OSBPL10: variants seen among roughly 807,000 people sequenced by gnomAD.
OSBPL10 encodes the protein oxysterol-binding protein-related protein 10.
In OSBPL10, 49 loss-of-function variants were observed where a neutral mutation model predicts 81.7. The observed-to-expected ratio is 0.60, with a 90% CI of 0.48 to 0.76. The LOEUF (loss-of-function observed/expected upper bound fraction) is 0.76, where lower values mean the gene tolerates loss of function less well. OSBPL10 is among the 30% of genes least tolerant of loss of function. OSBPL10 has a pLI of 0.00. For synonymous variants in OSBPL10, 419 were observed against 383.6 expected (o/e 1.09, Z -1.08); for missense variants, 923 against 987.8 (o/e 0.93, Z 0.88).
chr3:31,748,643 C>CA (rs5847713), intron 4 of OSBPL10, among the ~76,000 whole-genome samples: 44,408 of 127,598 alleles, frequency 0.35, 8,309 homozygotes, highest in African/African-American at 0.45. Flanking sequence ...CGCTCGCTTG[C>CA]AAAAAAAAAA....
At chr3:31,662,507 A>G in intron 11 of OSBPL10, 1 of 1,015,210 alleles carries the variant, frequency 9.9e-7, no homozygotes, top group Non-Finnish European at 1.2e-6. Flanking sequence ...CCCACAGGGG[A>G]ACACCCAACA....
intron 8 of OSBPL10, among the ~76,000 whole-genome samples, chr3:31,675,248 C>A (rs541944214): frequency 2.6e-5 from 4 of 152,358 alleles, no homozygotes. Context: ...ACACAACAGC[C>A]ACAAACTTGG....
At chr3:31,892,371 G>A (rs62243020) in intron 1 of OSBPL10, among the ~76,000 whole-genome samples, 14,874 of 152,220 alleles carry the variant, frequency 0.098, 806 homozygotes, top group South Asian at 0.14. Context: ...CAGCGGCAGG[G>A]ACAGAACCAG....
At chr3:31,841,870 T>C (rs544917044) in intron 3 of OSBPL10, among the ~76,000 whole-genome samples, 2 of 152,278 alleles carry the variant, frequency 1.3e-5, no homozygotes, top group East Asian at 3.9e-4. Flanking sequence ...ATTGTCTTTA[T>C]GAAACTAAGC....
At position 31,781,365 on chromosome 3, in the gene OSBPL10, G is replaced by C. The variant is rs191592415; in HGVS notation, c.730-33245C>G. On this transcript the variant is annotated intron_variant, in intron 4 of 11. Transcript: ENST00000396556. ...CCCACAGTCAACATTACACTAAAATGGGGGAAAGTTGAAAGCATTCCCCCT... is the reference window on the plus strand; with the variant it reads ...CCCACAGTCAACATTACACTAAAATCGGGGAAAGTTGAAAGCATTCCCCCT... 2.6e-5 allele frequency among the ~76,000 whole-genome samples: 4 copies of C among 152,214 alleles called. No individual in the cohort carries two copies. The East Asian group carries it at 7.7e-4, about 29-fold the overall frequency.
At chr3:31,904,632 A>C (rs1696350259) in intron 1 of OSBPL10, among the ~76,000 whole-genome samples, 1 of 152,098 alleles carries the variant, frequency 6.6e-6, no homozygotes, top group African/African-American at 2.4e-5. Flanking sequence ...ACCCAGGGTC[A>C]CTCAGATCCT....
chr3:31,975,384 G>A (rs2125497984), intron 1 of OSBPL10, among the ~76,000 whole-genome samples: 1 of 152,134 alleles, frequency 6.6e-6, no homozygotes, highest in Non-Finnish European at 1.5e-5. Context: ...AAATTATTGG[G>A]ATACTCAAAA....
At position 31,965,227 on chromosome 3, in the gene OSBPL10, G is replaced by A. The variant is rs550706769; in HGVS notation, c.281+15672C>T. Among the ~76,000 whole-genome samples the A allele has an allele frequency of 4.7e-3, 709 of 150,408 alleles. 6 individuals carry two copies. The highest frequency in any genetic ancestry group is 0.01 in the African/African-American group (419 of 40,930). Reference sequence around the variant, plus strand: ...TACTAAAAATACAAAAAAATTAGCCGGGCGTGGTGGTGGGCACCTGTAGTC... The same window carrying A: ...TACTAAAAATACAAAAAAATTAGCCAGGCGTGGTGGTGGGCACCTGTAGTC... On this transcript the variant is annotated intron_variant, in intron 1 of 11. Coordinates refer to ENST00000396556, the MANE Select transcript of OSBPL10 (RefSeq NM_017784.5).
intron 4 of OSBPL10, among the ~76,000 whole-genome samples, chr3:31,753,202 T>C (rs1697773273): frequency 6.6e-6 from 1 of 151,778 alleles, no homozygotes; most frequent in Non-Finnish European, 1.5e-5. Context: ...TTTTTTTTTT[T>C]TTAGACAGAG....
At chr3:31,716,787 T>C (rs1559430933) in intron 6 of OSBPL10, among the ~76,000 whole-genome samples, 1 of 152,236 alleles carries the variant, frequency 6.6e-6, no homozygotes, top group Admixed American at 6.5e-5. Context: ...TTTCATTTGA[T>C]GACCCCAAAA....
intron 3 of OSBPL10, among the ~76,000 whole-genome samples, chr3:31,853,876 C>A (rs1283634402): frequency 6.6e-6 from 1 of 152,148 alleles, no homozygotes; most frequent in African/African-American, 2.4e-5. Context: ...AAATGCAGCC[C>A]CTTATCAGAT....
intron 7 of OSBPL10, among the ~76,000 whole-genome samples, chr3:31,684,664 C>T (rs1307320348): frequency 6.6e-6 from 1 of 152,202 alleles, no homozygotes; most frequent in East Asian, 1.9e-4. Context: ...CAAGCCCCAC[C>T]ATGACTGAGG....
intron 1 of OSBPL10, among the ~76,000 whole-genome samples, chr3:31,916,917 G>A (rs1479766760): frequency 6.6e-6 from 1 of 152,164 alleles, no homozygotes; most frequent in Admixed American, 6.5e-5. Context: ...TTTATTGTAA[G>A]CCGGGACTCC....
At chr3:31,949,483 A>G (rs1029345313) in intron 1 of OSBPL10, among the ~76,000 whole-genome samples, 14 of 151,900 alleles carry the variant, frequency 9.2e-5, no homozygotes. Context: ...CCTGGCTAAC[A>G]CGGTGAAACT....
chr3:31,837,992 C>T (rs1428191648), intron 3 of OSBPL10, among the ~76,000 whole-genome samples: 1 of 151,990 alleles, frequency 6.6e-6, no homozygotes, highest in Non-Finnish European at 1.5e-5. Flanking sequence ...AAAATTCCGG[C>T]AGGATTTTTT....
Position 31,664,173 on chromosome 3 carries a change from T to C in OSBPL10, c.2156A>G (p.Glu719Gly), listed in dbSNP as rs1484474796. The change falls in exon 11 of 12, where the codon GAG becomes GGG. Residue 719 changes from glutamate to glycine, a missense_variant. By Grantham distance (98) the Glu-to-Gly change is moderately conservative (BLOSUM62 -2). Coordinates refer to ENST00000396556, the MANE Select transcript of OSBPL10 (RefSeq NM_017784.5). ...LRLGDIDAATEQKRHLEEKQR... is the reference protein window; with the variant it reads ...LRLGDIDAATGQKRHLEEKQR... ...CTTCTCCTCCAGGTGCCGCTTCTGC[T>C]CGGTGGCTGCGTCAATGTCCCCCAG... 1 of 1,613,354 alleles carries C rather than the reference T, an allele frequency of 6.2e-7. No homozygotes were observed. Among genetic ancestry groups the C allele is most frequent in the East Asian group, 2.2e-5 (1 of 44,848 alleles).
chr3:31,970,122 C>T (rs751571564), intron 1 of OSBPL10, among the ~76,000 whole-genome samples: 6 of 152,162 alleles, frequency 3.9e-5, no homozygotes, highest in Non-Finnish European at 8.8e-5. Context: ...ACTGTGCAGT[C>T]TATGTCACTC....
At chr3:31,999,985 T>A (rs765932625) in intron 2 of OSBPL10, among the ~76,000 whole-genome samples, 1 of 152,144 alleles carries the variant, frequency 6.6e-6, no homozygotes, top group East Asian at 1.9e-4. Context: ...AAATATCTAG[T>A]GGTGCGGCCT....
intron 6 of OSBPL10, chr3:31,707,044 T>C (rs1357409961): frequency 6.7e-6 from 1 of 149,356 alleles, no homozygotes; most frequent in African/African-American, 2.4e-5. Context: ...TTTGATCTAC[T>C]AACATCTCCT....
Sources: gnomAD v4.1 joint callset for allele counts (sites outside exome capture counted in the v4.1 genomes callset) on GRCh38, gnomAD v4.1.1 for gene constraint, MANE v1.5 for transcripts, NCBI Gene and HGNC (gene_info 2026-07-23, HGNC 2026-07-21) for gene names.